The following CCNL1 variants were observed in gnomAD, a reference collection of about 807,000 sequenced individuals.
The protein encoded by CCNL1 is cyclin L1, also known as cyclin-L1.
A neutral mutation model predicts 60.6 loss-of-function variants in CCNL1; 13 were observed. The observed-to-expected ratio is 0.21, with a 90% CI of 0.14 to 0.34. The LOEUF (loss-of-function observed/expected upper bound fraction) is 0.34, where lower values mean the gene tolerates loss of function less well. Among genes scored for constraint, CCNL1 ranks in the 10% least tolerant of loss-of-function variants. CCNL1 has a pLI of 1.00. For missense variants in CCNL1, 481 were observed against 664.3 expected (o/e 0.72, Z 3.03); for synonymous variants, 270 against 244.3 (o/e 1.10, Z -0.98).
chr3:157,159,240 T>C (rs894078851), intron 2 of CCNL1, 165 bp downstream of exon 2: 3 of 689,244 alleles, frequency 4.4e-6, no homozygotes, highest in Admixed American at 5.7e-5. Context: ...TCGTGATCGA[T>C]TTTGAACCAC....
chr3:157,148,435 G>A lies in CCNL1; in HGVS notation c.1387C>T (p.His463Tyr). The change falls in exon 11 of 11, where the codon CAT (histidine) becomes TAT (tyrosine). Residue 463 changes from histidine to tyrosine, a missense_variant. Around this residue, in one of 5 missense-constraint regions of CCNL1, gnomAD observed 197 missense variants for 233.9 expected, o/e 0.84. Transcript: ENST00000295926. Reference protein sequence around the residue: ...TRDDLKSSNRHGHKRKKSRSR... With the variant: ...TRDDLKSSNRYGHKRKKSRSR... ...CGAGATTTTTTCCTTTTATGACCAT[G>A]TCTGTTTGAACTTTTTAAATCATCT... is the stretch of plus-strand genomic sequence containing the variant. 1 of 1,614,102 alleles carries A rather than the reference G, an allele frequency of 6.2e-7. No homozygotes were observed. Among genetic ancestry groups the A allele is most frequent in the Non-Finnish European group, 8.5e-7 (1 of 1,180,022 alleles).
Position 157,160,062 on chromosome 3 carries a change from A to T in CCNL1, c.33T>A (p.Ala11=), listed in dbSNP as rs375105594. 5.1e-6 allele frequency: 8 copies of T among 1,558,398 alleles called. No homozygotes were observed. Among genetic ancestry groups the T allele is most frequent in the Non-Finnish European group, 5.2e-6 (6 of 1,151,694 alleles). The part of the protein sequence containing the change: MASGPHSTAT[A]AAAASSAAPS... ...GGGCGGCCGATGAGGCGGCTGCGGC[A>T]GCAGTAGCTGTCGAATGAGGCCCGG... Residue 11 remains alanine, a synonymous_variant, in exon 1 of 11, where the codon GCT becomes GCA. Coordinates refer to ENST00000295926, the MANE Select transcript of CCNL1 (RefSeq NM_020307.4).
intron 4 of CCNL1, chr3:157,152,758 T>C: frequency 8.5e-7 from 1 of 1,183,394 alleles, no homozygotes; most frequent in South Asian, 2.1e-5. Context: ...CATCTCTGTT[T>C]TCTAGGTGGA....
intron 4 of CCNL1, 148 bp downstream of exon 4, chr3:157,152,888 G>C (rs1250432978): frequency 2.1e-6 from 3 of 1,409,904 alleles, no homozygotes; most frequent in Non-Finnish European, 2.8e-6. Flanking sequence ...ACATCCAAAA[G>C]AATGTTTTTC....
intron 1 of CCNL1, 21 bp downstream of exon 1, chr3:157,159,771 G>T: frequency 6.6e-7 from 1 of 1,513,114 alleles, no homozygotes; most frequent in Non-Finnish European, 8.9e-7. Context: ...CGCCCGGCCG[G>T]CCCGGGGCCG....
intron 4 of CCNL1, 176 bp from the exon 5 acceptor site, chr3:157,152,417 T>C: frequency 4.6e-6 from 6 of 1,297,620 alleles, no homozygotes; most frequent in Non-Finnish European, 5.9e-6. Flanking sequence ...CTAGATTTTA[T>C]ATAAATTATG....
intron 5 of CCNL1, chr3:157,151,583 C>T (rs916079612): frequency 1.5e-5 from 15 of 987,154 alleles, no homozygotes; most frequent in Middle Eastern, 5.2e-4. Flanking sequence ...AGTATTCATG[C>T]TATACACACT....
At chr3:157,144,457 ACTGTGG>A (rs1737726149), downstream of CCNL1, among the ~76,000 whole-genome samples, 1 of 152,266 alleles carries the variant, frequency 6.6e-6, no homozygotes, top group Non-Finnish European at 1.5e-5. Context: ...TTGTCAAGTC[ACTGTGG>A]AGGAATGATT....
intron 5 of CCNL1, 76 bp downstream of exon 5, chr3:157,152,101 G>A: frequency 6.4e-7 from 1 of 1,570,536 alleles, no homozygotes. Flanking sequence ...CATTATTTTG[G>A]AAAGGGAAAA....
Position 157,150,369 on chromosome 3 carries a change from A to G in CCNL1, c.687T>C (p.Asn229=). ...CAAACACATTGGTTCGAAGACTGTC[A>G]TTCATGTAATTCCTGAAAAATATTT... ...TLVQTAWNYM[N]DSLRTNVFVR... The change falls in exon 6 of 11, where the codon AAT becomes AAC. Residue 229 remains asparagine (N), a synonymous_variant. Coordinates refer to ENST00000295926, the MANE Select transcript of CCNL1 (RefSeq NM_020307.4). The G allele has an allele frequency of 6.2e-7, 1 of 1,613,552 alleles. No individual in the cohort carries two copies.
intron 3 of CCNL1, among the ~76,000 whole-genome samples, chr3:157,156,560 AG>A (rs1738639411): frequency 6.6e-6 from 1 of 152,204 alleles, no homozygotes; most frequent in Non-Finnish European, 1.5e-5. Context: ...AAAAAACTGA[AG>A]GAGGAATAGG....
chr3:157,159,373 A>G (rs748038673), intron 2 of CCNL1, 32 bp downstream of exon 2: 1 of 1,606,832 alleles, frequency 6.2e-7, no homozygotes, highest in South Asian at 1.1e-5. Context: ...CCGGATGAAG[A>G]AATCCCTTTT....
At chr3:157,150,689 T>C in intron 5 of CCNL1, 1 of 1,064,334 alleles carries the variant, frequency 9.4e-7, no homozygotes, top group Non-Finnish European at 1.1e-6. Context: ...CTTTTCAAAG[T>C]CAATTCTGAC....
At chr3:157,159,068 AATTAGAGAAG>A (rs1294462095) in intron 2 of CCNL1, 93 bp from the exon 3 acceptor site, 1 of 829,788 alleles carries the variant, frequency 1.2e-6, no homozygotes, top group Non-Finnish European at 2.0e-6. Context: ...CCTTTAGTAA[AATTAGAGAAG>A]ACATCTCTAT....
chr3:157,148,499 A>T lies in CCNL1; in HGVS notation c.1323T>A (p.His441Gln). The change falls in exon 11 of 11, where the codon CAT becomes CAA. Residue 441 changes from histidine to glutamine, a missense_variant. Physicochemically the swap from His to Gln is conservative, Grantham distance 24. Transcript: ENST00000295926. ...CCTTAAGGTGAGGAGAACCATGATT[A>T]TGATGTCTTCGAGGGCTTTCACTGT... is the stretch of plus-strand genomic sequence containing the variant. ...RSHSESPRRH[H>Q]NHGSPHLKAK... The T allele has an allele frequency of 6.2e-7, 1 of 1,614,190 alleles. No homozygotes were observed. Among genetic ancestry groups the T allele is most frequent in the Non-Finnish European group, 8.5e-7 (1 of 1,180,034 alleles).
At chr3:157,157,957 T>C (rs1228648598) in intron 3 of CCNL1, among the ~76,000 whole-genome samples, 1 of 152,240 alleles carries the variant, frequency 6.6e-6, no homozygotes, top group Non-Finnish European at 1.5e-5. Flanking sequence ...ATCCTTTTAA[T>C]AACTTCCTTT....
In CCNL1 at chr3:157,147,642, C is replaced by CT; in HGVS notation, c.*598_*599insA. 3 of 984,808 alleles carry CT rather than the reference C, an allele frequency of 3.0e-6. No individual in the cohort carries two copies. The highest frequency in any genetic ancestry group is 3.6e-6 in the Non-Finnish European group (3 of 829,396). 61.0% of individuals were successfully genotyped at this position (984,808 alleles called of 1,614,324 possible). ...TTTCCATATATACAGTGAAGACTTA[C>CT]AATAGCTCACAATGCAGTTAAGAAT... On this transcript the variant is annotated 3_prime_UTR_variant, in exon 11 of 11. Transcript: ENST00000295926.
At chr3:157,154,599 T>C (rs1293897961) in intron 3 of CCNL1, 2 of 152,206 alleles carry the variant, frequency 1.3e-5, no homozygotes, top group Non-Finnish European at 2.9e-5. Context: ...TGAACTTCAT[T>C]ACCCCTATGG....
downstream of CCNL1, among the ~76,000 whole-genome samples, chr3:157,145,290 A>G (rs2108102895): frequency 6.6e-6 from 1 of 151,960 alleles, no homozygotes; most frequent in Non-Finnish European, 1.5e-5. Flanking sequence ...CAAAAAAATT[A>G]GCCAGGGCGT....
Sources: gnomAD v4.1 joint callset for allele counts (sites outside exome capture counted in the v4.1 genomes callset) on GRCh38, gnomAD v4.1.1 for gene constraint, gnomAD v4.1.1 regional missense constraint, MANE v1.5 for transcripts, NCBI Gene and HGNC (gene_info 2026-07-23, HGNC 2026-07-21) for gene names.